Variants in PAX8 observed in about 807,000 individuals in gnomAD.
PAX8 encodes the protein paired box 8.
A neutral mutation model predicts 52.4 loss-of-function variants in PAX8; 15 were observed. That is an observed-to-expected ratio of 0.29 (90% CI 0.19 to 0.44). The LOEUF (loss-of-function observed/expected upper bound fraction) is 0.44. PAX8 is among the 20% of genes least tolerant of loss of function. The pLI is 1.00. For synonymous variants in PAX8, 284 were observed against 249.7 expected, an observed-to-expected ratio of 1.14 and a Z score of -1.29; for missense variants, 554 against 602.5, an observed-to-expected ratio of 0.92 and a Z score of 0.84.
intron 2 of PAX8, chr2:113,266,431 G>A (rs1359247469): frequency 6.6e-6 from 1 of 152,240 alleles, no homozygotes; most frequent in Non-Finnish European, 1.5e-5. Flanking sequence ...GTGTTTTGTA[G>A]GAAAGTCAAG....
chr2:113,256,781 G>A (rs1692297809), intron 2 of PAX8, among the ~76,000 whole-genome samples: 1 of 152,066 alleles, frequency 6.6e-6, no homozygotes, highest in African/African-American at 2.4e-5. Flanking sequence ...GGAGAAGAGA[G>A]TCAGAAACCC....
chr2:113,270,250 C>T (rs780077564), intron 2 of PAX8: 5 of 152,316 alleles, frequency 3.3e-5, no homozygotes, highest in African/African-American at 7.2e-5. Flanking sequence ...AGACTCCACT[C>T]CTTGGTGACT....
intron 2 of PAX8, chr2:113,266,027 T>C (rs1693027577): frequency 6.6e-6 from 1 of 152,174 alleles, no homozygotes; most frequent in Non-Finnish European, 1.5e-5. Flanking sequence ...AGTGCTTCTT[T>C]AGGAGCTGGA....
chr2:113,249,658 A>G (rs1041605380), intron 2 of PAX8, among the ~76,000 whole-genome samples: 5 of 152,144 alleles, frequency 3.3e-5, no homozygotes, highest in African/African-American at 1.2e-4. Context: ...ACTGACTCGC[A>G]TCCTTAGAAA....
chr2:113,261,696 A>T (rs1257435012), intron 2 of PAX8, among the ~76,000 whole-genome samples: 1 of 152,168 alleles, frequency 6.6e-6, no homozygotes, highest in Admixed American at 6.5e-5. Flanking sequence ...TCTGACCTAA[A>T]TCCCTGTCTT....
At chr2:113,257,265 C>G (rs559768669) in intron 2 of PAX8, among the ~76,000 whole-genome samples, 1 of 152,174 alleles carries the variant, frequency 6.6e-6, no homozygotes, top group African/African-American at 2.4e-5. Context: ...CTTTCCCCTT[C>G]TAGTGCCCAT....
chr2:113,256,825 A>C (rs182795224), intron 2 of PAX8, among the ~76,000 whole-genome samples: 1 of 152,156 alleles, frequency 6.6e-6, no homozygotes, highest in Non-Finnish European at 1.5e-5. Context: ...TTACTTTGGC[A>C]TGAATTTCTG....
chr2:113,246,828 G>C lies in PAX8; in HGVS notation c.117C>G (p.His39Gln). ...AGATGTCGCAGGGCCTTACACCCTG[G>C]TGGGCCAGGTCTACGATGCGCTGGC... ...VVRQRIVDLA[H>Q]QGVRPCDISR... The change falls in exon 3 of 12, where the codon CAC becomes CAG. Residue 39 changes from histidine (H) to glutamine (Q), a missense_variant. By Grantham distance (24) the His-to-Gln change is conservative. Coordinates refer to ENST00000429538, the MANE Select transcript of PAX8 (RefSeq NM_003466.4). 1 of 1,614,232 alleles carries C rather than the reference G, an allele frequency of 6.2e-7. No individual in the cohort carries two copies.
chr2:113,265,285 G>A (rs1692974806), intron 2 of PAX8, among the ~76,000 whole-genome samples: 2 of 152,212 alleles, frequency 1.3e-5, no homozygotes, highest in African/African-American at 4.8e-5. Context: ...AGAAGCGTGA[G>A]GCCAAGCCAG....
At chr2:113,229,846 G>A (rs992611792) in intron 9 of PAX8, among the ~76,000 whole-genome samples, 1 of 152,170 alleles carries the variant, frequency 6.6e-6, no homozygotes, top group Admixed American at 6.5e-5. Flanking sequence ...GCACAGAGCA[G>A]GGACAGGTGG....
intron 2 of PAX8, among the ~76,000 whole-genome samples, chr2:113,252,872 CT>C (rs770095841): frequency 6.6e-6 from 1 of 152,224 alleles, no homozygotes; most frequent in Non-Finnish European, 1.5e-5. Flanking sequence ...TCTCCACCCC[CT>C]GACCTCAAAA....
At position 113,235,566 on chromosome 2, in the gene PAX8, G is replaced by T. The variant is rs1690215030; in HGVS notation, c.915C>A (p.Phe305Leu). The T allele has an allele frequency of 6.2e-7, 1 of 1,612,480 alleles. No individual in the cohort carries two copies. The highest frequency in any genetic ancestry group is 8.5e-7 in the Non-Finnish European group (1 of 1,178,898). ...YPVVADPHSP[F>L]AIKQETPEVS... ...CCTCGGGGGTTTCCTGCTTTATGGCGAAGGGTGAGTGAGGATCTGCCGGAG... is the reference window on the plus strand; with the variant it reads ...CCTCGGGGGTTTCCTGCTTTATGGCTAAGGGTGAGTGAGGATCTGCCGGAG... Residue 305 changes from phenylalanine to leucine, a missense_variant, in exon 9 of 12, where the codon TTC (phenylalanine) becomes TTA (leucine). This residue lies in a region of PAX8 where 445 missense variants were observed against 409.9 expected (regional missense o/e 1.09). Coordinates refer to ENST00000429538, the MANE Select transcript of PAX8 (RefSeq NM_003466.4).
intron 7 of PAX8, 87 bp downstream of exon 7, chr2:113,241,464 G>T: frequency 7.4e-7 from 1 of 1,348,434 alleles, no homozygotes. Context: ...ACTTCCAGCT[G>T]CTTTGATGGA....
rs541116662 is a variant in PAX8 at position 113,226,471 on chromosome 2, C to A, written c.1189+684G>T. On this transcript the variant is annotated intron_variant, in intron 10 of 11. Coordinates refer to ENST00000429538, the MANE Select transcript of PAX8 (RefSeq NM_003466.4). ...TCCAGACCTTGTCATCTTGAATCAT[C>A]ATTGGATGATGACTGGCAGACAAAG... 18 of 989,128 alleles carry A rather than the reference C, an allele frequency of 1.8e-5. No homozygotes were observed. The African/African-American group carries it at 3.1e-4, about 17-fold the overall frequency. 61.3% of individuals were successfully genotyped at this position (989,128 alleles called of 1,614,324 possible). A position where few individuals can be genotyped will look rare whatever the true frequency, so the allele number is the denominator to read the frequency against.
At chr2:113,278,572 A>G (rs969685730) in intron 1 of PAX8, 103 bp from the exon 2 acceptor site, 1 of 1,052,758 alleles carries the variant, frequency 9.5e-7, no homozygotes, top group Non-Finnish European at 1.4e-6. Context: ...ATCGTCTGCC[A>G]GGAGTAGGAG....
At chr2:113,246,153 G>C (rs1481125017) in intron 3 of PAX8, among the ~76,000 whole-genome samples, 1 of 152,256 alleles carries the variant, frequency 6.6e-6, no homozygotes, top group African/African-American at 2.4e-5. Context: ...GGGCGGATGG[G>C]CTGGGGAGTT....
Position 113,218,444 on chromosome 2 carries a change from T to C in PAX8, c.*89A>G. ...GGACTTGTGGTTATTTTTCATGTAATAAATAAAGATTCCTTTGTGTGACTC... is the reference window on the plus strand; with the variant it reads ...GGACTTGTGGTTATTTTTCATGTAACAAATAAAGATTCCTTTGTGTGACTC... On this transcript the variant is annotated 3_prime_UTR_variant, in exon 12 of 12. Coordinates refer to ENST00000429538, the MANE Select transcript of PAX8 (RefSeq NM_003466.4). 1 of 682,110 alleles carries C rather than the reference T, an allele frequency of 1.5e-6. No individual in the cohort carries two copies. Among genetic ancestry groups the C allele is most frequent in the Non-Finnish European group, 2.4e-6 (1 of 412,012 alleles). The allele number at this position is 682,110 out of a possible 1,614,324, so 42.3% of individuals were successfully genotyped here. A position where few individuals can be genotyped will look rare whatever the true frequency, so the allele number is the denominator to read the frequency against.
rs1194909714 is a variant in PAX8, at chr2:113,236,616, A to G, written c.883T>C (p.Tyr295His). 2 of 1,585,904 alleles carry G rather than the reference A, an allele frequency of 1.3e-6. No homozygotes were observed. The highest frequency in any genetic ancestry group is 1.2e-5 in the South Asian group (1 of 86,678). ...LGRNLSTHQT[Y>H]PVVADPHSPF... is the part of the protein sequence containing the mutation. ...GGCGTTGTACCTGCCACCACGGGGTAGGTCTGGTGAGTCGAGAGGTTGCGC... is the reference window on the plus strand; with the variant it reads ...GGCGTTGTACCTGCCACCACGGGGTGGGTCTGGTGAGTCGAGAGGTTGCGC... The change falls in exon 8 of 12, where the codon TAC becomes CAC. Residue 295 changes from tyrosine to histidine, a missense_variant. Tyr to His is a moderately conservative substitution (Grantham distance 83, BLOSUM62 2). Around this residue, in one of 2 missense-constraint regions of PAX8, gnomAD observed 445 missense variants for 409.9 expected, o/e 1.09. Transcript: ENST00000429538.
intron 7 of PAX8, chr2:113,241,305 G>C: frequency 1.7e-6 from 1 of 600,564 alleles, no homozygotes; most frequent in Non-Finnish European, 3.0e-6. Context: ...AGGTTGTGCT[G>C]CCATCCCTGA....
Sources: gnomAD v4.1 joint callset for allele counts (sites outside exome capture counted in the v4.1 genomes callset) on GRCh38, gnomAD v4.1.1 for gene constraint, gnomAD v4.1.1 regional missense constraint, MANE v1.5 for transcripts, NCBI Gene and HGNC (gene_info 2026-07-23, HGNC 2026-07-21) for gene names.